BMERB1: variants seen among roughly 807,000 people sequenced by gnomAD.
BMERB1 encodes bMERB domain containing 1.
Under a neutral mutation model 23.6 loss-of-function variants are expected in BMERB1, and 12 were observed. The observed-to-expected ratio is 0.51, with a 90% CI of 0.33 to 0.82. The LOEUF (loss-of-function observed/expected upper bound fraction) is 0.82. Ranked by LOEUF, BMERB1 falls within the 40% of genes least tolerant of loss-of-function variation. The pLI, the probability that BMERB1 is intolerant of heterozygous loss-of-function variation, is 0.03. For synonymous variants in BMERB1, 122 were observed against 96.6 expected (o/e 1.26, Z -1.54); for missense variants, 247 against 255.4 (o/e 0.97, Z 0.22).
intron 2 of BMERB1, among the ~76,000 whole-genome samples, chr16:15,529,762 GGT>G (rs924635283): frequency 6.6e-6 from 1 of 152,168 alleles, no homozygotes; most frequent in Non-Finnish European, 1.5e-5. Context: ...AGGTCTGGGT[GGT>G]GAGAACTGCC....
At chr16:15,515,453 A>C in intron 2 of BMERB1, 25 bp downstream of exon 2, 1 of 1,610,162 alleles carries the variant, frequency 6.2e-7, no homozygotes, top group Non-Finnish European at 8.5e-7. Flanking sequence ...GATGTGGCCA[A>C]GGAAAGAAGT....
In BMERB1 at chr16:15,488,152, T is replaced by A. The variant is rs142054635; in HGVS notation, c.107-27153T>A. Among the ~76,000 whole-genome samples the A allele has an allele frequency of 2.6e-3, 397 of 152,330 alleles. 1 individual carries two copies. The highest frequency in any genetic ancestry group is 9.1e-3 in the African/African-American group (377 of 41,572). ...ACAGTATGGTCTCTGTCCCAGCTAC[T>A]CAGCCCTGCTGTAACACAAAAGCAG... On this transcript the variant is annotated intron_variant, in intron 1 of 5. Coordinates refer to ENST00000300006, the MANE Select transcript of BMERB1 (RefSeq NM_033201.3).
chr16:15,524,933 C>T (rs1332297321), intron 2 of BMERB1, among the ~76,000 whole-genome samples: 1 of 152,152 alleles, frequency 6.6e-6, no homozygotes, highest in Non-Finnish European at 1.5e-5. Context: ...ACCTCTGAAC[C>T]ACCTAGACTC....
intron 1 of BMERB1, among the ~76,000 whole-genome samples, chr16:15,474,447 C>G (rs2051258768): frequency 6.6e-6 from 1 of 152,132 alleles, no homozygotes; most frequent in East Asian, 1.9e-4. Context: ...CCACTGCAGC[C>G]TCAACCTCCT....
chr16:15,478,555 C>A (rs1455713012), intron 1 of BMERB1, among the ~76,000 whole-genome samples: 2 of 152,194 alleles, frequency 1.3e-5, no homozygotes, highest in African/African-American at 4.8e-5. Flanking sequence ...ATTTTCAAAG[C>A]ATGATCCAAG....
intron 1 of BMERB1, among the ~76,000 whole-genome samples, chr16:15,462,857 A>G (rs1186875724): frequency 3.9e-5 from 6 of 152,210 alleles, no homozygotes; most frequent in African/African-American, 1.4e-4. Context: ...CAGTGGAGAC[A>G]TGTGCTGGAC....
intron 2 of BMERB1, among the ~76,000 whole-genome samples, chr16:15,557,079 T>G (rs2150968248): frequency 6.6e-6 from 1 of 152,314 alleles, no homozygotes; most frequent in East Asian, 1.9e-4. Context: ...TCATGTCGTT[T>G]TCACAAACAT....
Position 15,581,236 on chromosome 16 carries a change from G to A in BMERB1, c.324G>A (p.Leu108=), listed in dbSNP as rs1209183761. The A allele has an allele frequency of 6.2e-7, 1 of 1,613,140 alleles. No homozygotes were observed. The highest frequency in any genetic ancestry group is 1.1e-5 in the South Asian group (1 of 90,718). The change falls in exon 4 of 6, where the codon CTG becomes CTA. Residue 108 remains leucine (L), a synonymous_variant. Transcript: ENST00000300006. ...TTCCAGAAAAAGAAAAAACCAAACT[G>A]CAGAAGCAGAGAGAGGATGAGCTAA... is the stretch of plus-strand genomic sequence containing the variant. ...VAIPEKEKTK[L]QKQREDELIQ...
At chr16:15,532,630 C>G (rs988530183) in intron 2 of BMERB1, among the ~76,000 whole-genome samples, 1 of 145,064 alleles carries the variant, frequency 6.9e-6, no homozygotes, top group Non-Finnish European at 1.5e-5. Context: ...ACTGCAAGCT[C>G]TGCCTCCCAG....
Position 15,544,766 on chromosome 16 carries a change from T to A in BMERB1, c.231-23217T>A, listed in dbSNP as rs190838880. On this transcript the variant is annotated intron_variant, in intron 2 of 5. Transcript: ENST00000300006. ...CACAAAAATCACCCAATAGCCCCAT[T>A]TCCTAGCTCATATGAGTGACTGCTA... 8.6e-4 allele frequency among the ~76,000 whole-genome samples: 131 copies of A among 152,248 alleles called. 2 individuals carry two copies. Among genetic ancestry groups the A allele is most frequent in the Non-Finnish European group, 3.2e-4 (22 of 68,014 alleles).
intron 1 of BMERB1, among the ~76,000 whole-genome samples, chr16:15,441,648 G>A (rs2050940005): frequency 6.6e-6 from 1 of 152,116 alleles, no homozygotes; most frequent in South Asian, 2.1e-4. Flanking sequence ...AAAATGCTGG[G>A]ATTACAGCCG....
chr16:15,557,277 C>G (rs1017601368), intron 2 of BMERB1, among the ~76,000 whole-genome samples: 1 of 152,150 alleles, frequency 6.6e-6, no homozygotes, highest in Non-Finnish European at 1.5e-5. Context: ...CTCTCTGGAA[C>G]GAGCCGGCAG....
At chr16:15,531,810 A>G (rs1373628271) in intron 2 of BMERB1, among the ~76,000 whole-genome samples, 1 of 152,184 alleles carries the variant, frequency 6.6e-6, no homozygotes, top group Non-Finnish European at 1.5e-5. Context: ...GCTTGTCCCT[A>G]TCACGTGATG....
At chr16:15,512,165 A>G (rs747426733) in intron 1 of BMERB1, among the ~76,000 whole-genome samples, 3 of 152,178 alleles carry the variant, frequency 2.0e-5, no homozygotes, top group Non-Finnish European at 4.4e-5. Context: ...GGGGAAGCAG[A>G]TAATTTTGGC....
At chr16:15,460,831 A>T (rs1427212688) in intron 1 of BMERB1, among the ~76,000 whole-genome samples, 3 of 152,156 alleles carry the variant, frequency 2.0e-5, no homozygotes, top group Non-Finnish European at 2.9e-5. Context: ...TTATCAGAGG[A>T]AAAAAGCTGG....
At chr16:15,579,286 G>A (rs1260061631) in intron 3 of BMERB1, among the ~76,000 whole-genome samples, 1 of 152,050 alleles carries the variant, frequency 6.6e-6, no homozygotes, top group Non-Finnish European at 1.5e-5. Flanking sequence ...GGCAGGGAGC[G>A]GCTCTGCGGT....
chr16:15,558,587 A>G (rs574361531), intron 2 of BMERB1, among the ~76,000 whole-genome samples: 2 of 152,242 alleles, frequency 1.3e-5, no homozygotes, highest in Admixed American at 6.5e-5. Context: ...AGCTGCCCCC[A>G]TAGTCCTGAA....
At chr16:15,460,979 A>G (rs1225467890) in intron 1 of BMERB1, among the ~76,000 whole-genome samples, 1 of 151,920 alleles carries the variant, frequency 6.6e-6, no homozygotes, top group Non-Finnish European at 1.5e-5. Flanking sequence ...CAAAAAATTA[A>G]CCAGGAGTGG....
At chr16:15,555,242 A>AT (rs1225355165) in intron 2 of BMERB1, among the ~76,000 whole-genome samples, 5 of 151,916 alleles carry the variant, frequency 3.3e-5, no homozygotes, top group East Asian at 2.0e-4. Context: ...GGCATAGCTA[A>AT]TTTTTTTATT....
Sources: allele counts gnomAD v4.1 joint callset (sites outside exome capture counted in the v4.1 genomes callset), GRCh38; gene constraint gnomAD v4.1.1; transcripts MANE v1.5; gene names NCBI Gene and HGNC (gene_info 2026-07-23, HGNC 2026-07-21).